The following SIN3B variants were observed in gnomAD, a reference collection of about 807,000 sequenced individuals.
SIN3B encodes paired amphipathic helix protein Sin3b.
SIN3B carries 19 observed loss-of-function variants against 120.2 expected under a neutral mutation model. That is an observed-to-expected ratio of 0.16 (90% CI 0.11 to 0.23). SIN3B has a LOEUF of 0.23. SIN3B is among the 10% of genes least tolerant of loss of function. SIN3B has a pLI of 1.00. For missense variants in SIN3B, 1,073 were observed against 1,573.0 expected (o/e 0.68, Z 5.38); for synonymous variants, 654 against 653.2 (o/e 1.00, Z -0.02).
chr19:16,866,588 G>C (rs539431550), intron 12 of SIN3B, 32 bp downstream of exon 12: 21 of 1,608,868 alleles, frequency 1.3e-5, no homozygotes, highest in Non-Finnish European at 1.8e-5. Flanking sequence ...CCGGCCGGTG[G>C]GGGTGGGGTC....
At chr19:16,838,646 G>A (rs1456404275) in intron 3 of SIN3B, among the ~76,000 whole-genome samples, 1 of 152,144 alleles carries the variant, frequency 6.6e-6, no homozygotes, top group African/African-American at 2.4e-5. Context: ...ACATTCATGT[G>A]TGAGGATGTG....
At chr19:16,830,002 C>G (rs1253511618) in intron 2 of SIN3B, 105 bp downstream of exon 2, 3 of 739,356 alleles carry the variant, frequency 4.1e-6, no homozygotes, top group Non-Finnish European at 7.1e-6. Flanking sequence ...GCCGGGTGAC[C>G]TTGCGCAGGT....
At chr19:16,864,018 G>A (rs188096380) in intron 10 of SIN3B, among the ~76,000 whole-genome samples, 14 of 152,334 alleles carry the variant, frequency 9.2e-5, no homozygotes, top group Admixed American at 8.5e-4. Context: ...TTTGGGCTGG[G>A]CGTAGTGGCA....
intron 8 of SIN3B, chr19:16,855,375 C>CCG (rs1279812130): frequency 9.3e-6 from 1 of 107,802 alleles, no homozygotes; most frequent in Non-Finnish European, 2.0e-5. Context: ...AACCTTCCCC[C>CCG]CCCCCCCCCC....
In SIN3B at chr19:16,879,732, T is replaced by C. The variant is rs1402274785; in HGVS notation, c.*1005T>C. 6.6e-6 allele frequency: 1 copy of C among 152,072 alleles called. No individual in the cohort carries two copies. Among genetic ancestry groups the C allele is most frequent in the Non-Finnish European group, 1.5e-5 (1 of 68,054 alleles). The allele number at this position is 152,072 out of a possible 1,614,324, so 9.4% of individuals were successfully genotyped here. ...CACTCCAGGGATCATTGTTGTCCTT[T>C]TGTGAGGGGCTGAGGCGACTGTCCC... On this transcript the variant is annotated 3_prime_UTR_variant, in exon 19 of 19. Transcript: ENST00000248054.
At chr19:16,871,151 C>A (rs2051504937) in intron 13 of SIN3B, 78 bp from the exon 14 acceptor site, 11 of 1,573,964 alleles carry the variant, frequency 7.0e-6, no homozygotes, top group Admixed American at 5.0e-5. Context: ...TTTGTTGGGG[C>A]TCTGTCATGC....
intron 14 of SIN3B, among the ~76,000 whole-genome samples, chr19:16,871,912 C>A (rs1465950430): frequency 6.6e-6 from 1 of 152,154 alleles, no homozygotes; most frequent in Non-Finnish European, 1.5e-5. Context: ...ACAAACCTTT[C>A]TTGAGGTTAA....
At chr19:16,851,144 A>G (rs372170778) in intron 5 of SIN3B, among the ~76,000 whole-genome samples, 4 of 152,272 alleles carry the variant, frequency 2.6e-5, no homozygotes, top group African/African-American at 9.6e-5. Flanking sequence ...TCCCTCCTGA[A>G]ACCCCCAGCC....
chr19:16,838,224 A>G (rs976340967), intron 3 of SIN3B, among the ~76,000 whole-genome samples: 1 of 149,262 alleles, frequency 6.7e-6, no homozygotes, highest in Non-Finnish European at 1.5e-5. Flanking sequence ...TACTGTTCAC[A>G]TAACATAAAA....
rs1599619575 is a variant in SIN3B, at chr19:16,876,934, C to T, written c.2859+356C>T. 4.5e-6 allele frequency: 1 copy of T among 223,834 alleles called. No homozygotes were observed. The highest frequency in any genetic ancestry group is 1.0e-4 in the East Asian group (1 of 9,692). 13.9% of individuals were successfully genotyped at this position (223,834 alleles called of 1,614,324 possible). ...AGGGCTGCATCCTGTTCCTAATCCCCAGCAGAGGAGCCACCTGGGCCCAGC... is the reference window on the plus strand; with the variant it reads ...AGGGCTGCATCCTGTTCCTAATCCCTAGCAGAGGAGCCACCTGGGCCCAGC... On this transcript the variant is annotated intron_variant, in intron 16 of 18. Coordinates refer to ENST00000248054, the MANE Select transcript of SIN3B (RefSeq NM_001297595.2). This position sits in a 1 kb window ranked among gnomAD's most constrained non-coding sequence, Gnocchi z 7.1.
rs1555741874 is a variant in SIN3B at position 16,855,376 on chromosome 19, C to CG, written c.1058+1115_1058+1116insG. ...AACCCTCTGGGAGAAACCTTCCCCC[C>CG]CCCCCCCCCAGCAAAATTCCCTGGA... On this transcript the variant is annotated intron_variant, in intron 8 of 18. Transcript: ENST00000248054. 4 of 111,226 alleles carry CG rather than the reference C, an allele frequency of 3.6e-5. 1 individual carries two copies. The highest frequency in any genetic ancestry group is 8.1e-5 in the Admixed American group (1 of 12,366). The allele number at this position is 111,226 out of a possible 1,614,324, so 6.9% of individuals were successfully genotyped here.
At chr19:16,859,105 C>G (rs1338144580) in intron 8 of SIN3B, among the ~76,000 whole-genome samples, 1 of 152,108 alleles carries the variant, frequency 6.6e-6, no homozygotes, top group African/African-American at 2.4e-5. Context: ...GAGCCCTGAT[C>G]TCACCACTGC....
rs542741523 is a variant in SIN3B at position 16,841,996 on chromosome 19, G to A, written c.582+28G>A. 3.2e-4 allele frequency: 510 copies of A among 1,589,266 alleles called. 4 individuals carry two copies. The South Asian group carries it at 4.7e-3, about 15-fold the overall frequency. ...AAGAACTCAGATTACAATTCCTTGTGGGTTTTGGATTTCATCCAGTTTGGG... is the reference window on the plus strand; with the variant it reads ...AAGAACTCAGATTACAATTCCTTGTAGGTTTTGGATTTCATCCAGTTTGGG... On this transcript the variant is annotated intron_variant, in intron 4 of 18. Coordinates refer to ENST00000248054, the MANE Select transcript of SIN3B (RefSeq NM_001297595.2).
At chr19:16,855,478 T>C (rs926300549) in intron 8 of SIN3B, 16 of 149,496 alleles carry the variant, frequency 1.1e-4, no homozygotes, top group Non-Finnish European at 2.1e-4. Flanking sequence ...CCCAGCACTT[T>C]GGGAGGCCGA....
intron 7 of SIN3B, 69 bp downstream of exon 7, chr19:16,853,227 C>A: frequency 2.1e-6 from 3 of 1,440,642 alleles, no homozygotes; most frequent in Non-Finnish European, 2.9e-6. Context: ...GCTCCCTGGG[C>A]CTGCCCCAGG....
At chr19:16,868,030 C>G (rs1971802378) in intron 12 of SIN3B, among the ~76,000 whole-genome samples, 1 of 152,214 alleles carries the variant, frequency 6.6e-6, no homozygotes, top group African/African-American at 2.4e-5. Context: ...ATGCAGATCT[C>G]TGCACATGCA....
chr19:16,863,499 G>A (rs1822273630), intron 9 of SIN3B, 181 bp from the exon 10 acceptor site: 2 of 597,542 alleles, frequency 3.3e-6, no homozygotes, highest in African/African-American at 1.8e-5. Flanking sequence ...CCAAGGGAGT[G>A]TCCACTTGAC....
chr19:16,875,801 G>T (rs2051594450), intron 14 of SIN3B: 12 of 546,714 alleles, frequency 2.2e-5, no homozygotes, highest in Non-Finnish European at 3.9e-5. Flanking sequence ...GGTCTGGTCT[G>T]GTCTGTTTGG....
At chr19:16,847,793 A>G (rs1359984438) in intron 5 of SIN3B, among the ~76,000 whole-genome samples, 2 of 152,252 alleles carry the variant, frequency 1.3e-5, no homozygotes, top group Middle Eastern at 3.2e-3. Flanking sequence ...TTGAAAGTGA[A>G]CAATTCCATG....
Sources: gnomAD v4.1 joint callset for allele counts (sites outside exome capture counted in the v4.1 genomes callset) on GRCh38, gnomAD v4.1.1 for gene constraint, Gnocchi (gnomAD v3.1) non-coding constraint, MANE v1.5 for transcripts, NCBI Gene and HGNC (gene_info 2026-07-23, HGNC 2026-07-21) for gene names.